The following EXT2 variants were observed in gnomAD, a reference collection of about 807,000 sequenced individuals.
The protein encoded by EXT2 is exostosin glycosyltransferase 2, also known as exostosin-2.
Under a neutral mutation model 81.6 loss-of-function variants are expected in EXT2, and 53 were observed. That is an observed-to-expected ratio of 0.65 (90% CI 0.52 to 0.82). EXT2 has a LOEUF of 0.82. EXT2 is among the 40% of genes least tolerant of loss of function. EXT2 has a pLI of 0.00. For missense variants in EXT2, 774 were observed against 910.2 expected (o/e 0.85, Z 1.93); for synonymous variants, 320 against 340.0 (o/e 0.94, Z 0.65).
At chr11:44,214,041 A>T (rs1388865325) in intron 10 of EXT2, among the ~76,000 whole-genome samples, 1 of 152,202 alleles carries the variant, frequency 6.6e-6, no homozygotes. Context: ...AGGAGAAAAT[A>T]TGCATAGGTG....
chr11:44,132,993 G>A (rs1440783450), intron 7 of EXT2, among the ~76,000 whole-genome samples: 4 of 152,138 alleles, frequency 2.6e-5, no homozygotes, highest in Non-Finnish European at 5.9e-5. Context: ...AGGATGACTA[G>A]GTTTCTTCAA....
At chr11:44,180,957 T>TG (rs1955226826) in intron 8 of EXT2, among the ~76,000 whole-genome samples, 3 of 152,062 alleles carry the variant, frequency 2.0e-5, no homozygotes, top group Admixed American at 6.5e-5. Context: ...AAAAATTAGC[T>TG]GGGCATGATG....
At chr11:44,232,606 T>A (rs1955912902) in intron 11 of EXT2, 110 bp downstream of exon 11, 9 of 1,346,544 alleles carry the variant, frequency 6.7e-6, no homozygotes, top group Non-Finnish European at 9.3e-6. Context: ...AAAGCCATAT[T>A]GTGTGACAGT....
intron 13 of EXT2, among the ~76,000 whole-genome samples, chr11:44,239,236 G>A (rs992282091): frequency 6.6e-6 from 1 of 152,054 alleles, no homozygotes; most frequent in South Asian, 2.1e-4. Flanking sequence ...CTTCAGCAGT[G>A]TAATAGGTTT....
At chr11:44,233,225 T>G (rs537944644) in intron 11 of EXT2, among the ~76,000 whole-genome samples, 1 of 152,158 alleles carries the variant, frequency 6.6e-6, no homozygotes, top group African/African-American at 2.4e-5. Flanking sequence ...TCTGTTGGTT[T>G]CAGGATTGTT....
At chr11:44,102,058 A>C (rs1379816851) in intron 1 of EXT2, among the ~76,000 whole-genome samples, 1 of 152,128 alleles carries the variant, frequency 6.6e-6, no homozygotes, top group Non-Finnish European at 1.5e-5. Flanking sequence ...GCCATTTCTT[A>C]GACCCATATC....
In EXT2 at chr11:44,226,122, G is replaced by A. The variant is rs556623409; in HGVS notation, c.1663-6231G>A. On this transcript the variant is annotated intron_variant, in intron 10 of 13. Transcript: ENST00000533608. ...CTCTTTGCCATCTTCATGGCACCTG[G>A]CCTTAAAAAATAACTTGCAAAGAAT... is the stretch of plus-strand genomic sequence containing the variant. 7.9e-5 allele frequency among the ~76,000 whole-genome samples: 12 copies of A among 152,222 alleles called. 1 individual carries two copies. In the East Asian group the frequency reaches 2.3e-3, roughly 29 times the overall value.
chr11:44,140,120 G>T (rs1342567552), intron 7 of EXT2, among the ~76,000 whole-genome samples: 1 of 152,204 alleles, frequency 6.6e-6, no homozygotes, highest in Non-Finnish European at 1.5e-5. Flanking sequence ...CCATTCCACT[G>T]GCAGTTTGTG....
At chr11:44,150,637 A>G (rs756602242) in intron 7 of EXT2, among the ~76,000 whole-genome samples, 2 of 152,214 alleles carry the variant, frequency 1.3e-5, no homozygotes. Context: ...TAGAGTCTCT[A>G]CTAGTCAAAG....
chr11:44,153,979 TTC>T (rs1424142893), intron 7 of EXT2, among the ~76,000 whole-genome samples: 1 of 151,696 alleles, frequency 6.6e-6, no homozygotes, highest in Non-Finnish European at 1.5e-5. Context: ...GTCTGTAGTT[TTC>T]TGTTTTTTTT....
At chr11:44,106,837 C>T (rs1954062544) in intron 1 of EXT2, among the ~76,000 whole-genome samples, 1 of 152,202 alleles carries the variant, frequency 6.6e-6, no homozygotes, top group African/African-American at 2.4e-5. Context: ...CCATGTTGGC[C>T]ATGCTGGTCT....
chr11:44,119,151 T>TATATAC (rs1954273437), intron 4 of EXT2, among the ~76,000 whole-genome samples: 3 of 91,640 alleles, frequency 3.3e-5, no homozygotes, highest in African/African-American at 1.4e-4. Context: ...TATATATATA[T>TATATAC]ATATATATAT....
chr11:44,109,336 C>A, intron 3 of EXT2, 53 bp downstream of exon 3: 2 of 1,441,504 alleles, frequency 1.4e-6, no homozygotes, highest in South Asian at 1.1e-5. Flanking sequence ...TCATTTTGTT[C>A]ATGTGAAATT....
In EXT2 at chr11:44,126,737, A is replaced by C. The variant is rs112737888; in HGVS notation, c.940-79A>C. On this transcript the variant is annotated intron_variant, in intron 5 of 13. Coordinates refer to ENST00000533608, the MANE Select transcript of EXT2 (RefSeq NM_207122.2). ...TTGCTTGGCGTCAACCCTTGTAGAA[A>C]CTTTGTGGTCTGTAGGGATCAAAGT... 1.7e-3 allele frequency: 2,714 copies of C among 1,596,278 alleles called. 47 individuals carry two copies. In the African/African-American group the frequency reaches 0.03, roughly 18 times the overall value.
chr11:44,247,338 C>T lies in EXT2; in HGVS notation c.*3051C>T, dbSNP rs1956103992. On this transcript the variant is annotated 3_prime_UTR_variant, in exon 14 of 14. Transcript: ENST00000533608. The stretch of plus-strand genomic sequence containing the variant: ...GGTCTCGGCTCACTACATCCTCCGC[C>T]TCCCAGGTTCAAGTGATTCTCCTGC... Among the ~76,000 whole-genome samples, 1 of 151,466 alleles carries T rather than the reference C, an allele frequency of 6.6e-6. No individual in the cohort carries two copies. The highest frequency in any genetic ancestry group is 2.1e-4 in the South Asian group (1 of 4,794).
chr11:44,100,823 T>C (rs1355825601), intron 1 of EXT2, among the ~76,000 whole-genome samples: 1 of 152,054 alleles, frequency 6.6e-6, no homozygotes, highest in Non-Finnish European at 1.5e-5. Context: ...ATGGAGATAT[T>C]TGGGTGGAGG....
At chr11:44,124,060 G>A (rs1286698915) in intron 4 of EXT2, among the ~76,000 whole-genome samples, 1 of 152,062 alleles carries the variant, frequency 6.6e-6, no homozygotes. Flanking sequence ...GATCTGCATG[G>A]CACTAGACCC....
intron 7 of EXT2, among the ~76,000 whole-genome samples, chr11:44,158,224 A>G (rs1954881787): frequency 6.6e-6 from 1 of 152,164 alleles, no homozygotes; most frequent in Admixed American, 6.5e-5. Flanking sequence ...CAGCTGGTGT[A>G]TATATGTAGG....
chr11:44,235,418 T>G (rs2135265915), intron 12 of EXT2, among the ~76,000 whole-genome samples: 1 of 151,858 alleles, frequency 6.6e-6, no homozygotes, highest in African/African-American at 2.4e-5. Context: ...ATTTTTTTTT[T>G]GTATTTTAGT....
Sources: allele counts gnomAD v4.1 joint callset (sites outside exome capture counted in the v4.1 genomes callset), GRCh38; gene constraint gnomAD v4.1.1; transcripts MANE v1.5; gene names NCBI Gene and HGNC (gene_info 2026-07-23, HGNC 2026-07-21).